The following FXYD4 variants were observed in gnomAD, a reference collection of about 807,000 sequenced individuals.
FXYD4 encodes FXYD domain-containing ion transport regulator 4.
FXYD4 carries 14 observed loss-of-function variants against 18.3 expected under a neutral mutation model. The observed-to-expected ratio is 0.77, with a 90% CI of 0.51 to 1.20. FXYD4 has a LOEUF of 1.20. FXYD4 is among the 50% of genes most tolerant of loss of function. The probability of loss-of-function intolerance (pLI) is 0.00; values close to 1 mark genes in which losing one functional copy is unlikely to be tolerated. For synonymous variants in FXYD4, 40 were observed against 40.5 expected (o/e 0.99, Z 0.04); for missense variants, 99 against 106.1 (o/e 0.93, Z 0.29).
At position 43,375,690 on chromosome 10, in the gene FXYD4, C is replaced by T. The variant is rs1323385843; in HGVS notation, c.173-5C>T. Reference sequence around the variant, plus strand: ...CCCTGGCGCTGACCCCTCTCTCTCTCCCAGGTGGCAAATGCAAATGCAAGA... The same window carrying T: ...CCCTGGCGCTGACCCCTCTCTCTCTTCCAGGTGGCAAATGCAAATGCAAGA... On this transcript the variant is annotated splice_polypyrimidine_tract_variant and splice_region_variant and intron_variant, in intron 6 of 8. Coordinates refer to ENST00000476166, the MANE Select transcript of FXYD4 (RefSeq NM_173160.3). 6.2e-7 allele frequency: 1 copy of T among 1,614,072 alleles called. No homozygotes were observed. Among genetic ancestry groups the T allele is most frequent in the South Asian group, 1.1e-5 (1 of 91,078 alleles).
Position 43,373,763 on chromosome 10 carries a change from T to A in FXYD4, c.17T>A (p.Leu6Gln). The A allele has an allele frequency of 6.2e-7, 1 of 1,609,392 alleles. No individual in the cohort carries two copies. The highest frequency in any genetic ancestry group is 1.1e-5 in the South Asian group (1 of 90,944). The change falls in exon 3 of 9, where the codon CTG becomes CAG. Residue 6 changes from leucine (L) to glutamine (Q), a missense_variant. Transcript: ENST00000476166. MERVT[L>Q]ALLLLAGLTA... is the part of the protein sequence containing the mutation. ...AACTGTGACATGGAGAGAGTGACCC[T>A]GGCCCTTCTCCTACTGGCAGGTGAG... is the stretch of plus-strand genomic sequence containing the variant.
chr10:43,375,757 C>G (rs746730632), intron 7 of FXYD4, 23 bp downstream of exon 7: 1 of 1,612,702 alleles, frequency 6.2e-7, no homozygotes, highest in South Asian at 1.1e-5. Flanking sequence ...CTATGGTGCC[C>G]TCCTCCTTCG....
At chr10:43,374,345 C>A in intron 3 of FXYD4, 125 bp from the exon 4 acceptor site, 1 of 873,366 alleles carries the variant, frequency 1.1e-6, no homozygotes, top group Non-Finnish European at 1.9e-6. Context: ...CTGGGGAGGG[C>A]GTGAGGAAGG....
At chr10:43,374,445 C>CA (rs1564388776) in intron 3 of FXYD4, 25 bp from the exon 4 acceptor site, 1 of 1,613,022 alleles carries the variant, frequency 6.2e-7, no homozygotes, top group Non-Finnish European at 8.5e-7. Flanking sequence ...AATTCCCACA[C>CA]ATTTTCTCTG....
chr10:43,375,450 T>A, intron 5 of FXYD4, 49 bp from the exon 6 acceptor site: 1 of 1,428,714 alleles, frequency 7.0e-7, no homozygotes, highest in Non-Finnish European at 9.9e-7. Context: ...TTTGAATGAA[T>A]GACTGAGGCC....
intron 2 of FXYD4, 141 bp from the exon 3 acceptor site, chr10:43,373,371 CAAT>C (rs1426881345): frequency 4.3e-6 from 1 of 229,982 alleles, no homozygotes; most frequent in African/African-American, 2.2e-5. Flanking sequence ...GAAATAGAGA[CAAT>C]AATAGTATCT....
chr10:43,374,698 G>A, intron 5 of FXYD4, 59 bp downstream of exon 5: 7 of 1,403,474 alleles, frequency 5.0e-6, no homozygotes, highest in Non-Finnish European at 7.1e-6. Context: ...CTCTTTGCTA[G>A]ACAAGTTGGT....
rs1588981092 is a variant in FXYD4, at chr10:43,374,224, C to T, written c.38-246C>T. ...TAAAAAAGACAAGCATTCCCTGTTTCTTCAGGGGGCAGAGACATAACAAAC... is the reference window on the plus strand; with the variant it reads ...TAAAAAAGACAAGCATTCCCTGTTTTTTCAGGGGGCAGAGACATAACAAAC... On this transcript the variant is annotated intron_variant, in intron 3 of 8. Transcript: ENST00000476166. Among the ~76,000 whole-genome samples the T allele has an allele frequency of 2.6e-5, 4 of 152,296 alleles. No homozygotes were observed. In the South Asian group the frequency reaches 8.3e-4, roughly 32 times the overall value.
Position 43,372,752 on chromosome 10 carries a change from A to T in FXYD4, c.-253A>T, listed in dbSNP as rs1358028631. ...GACACTGGTGAAGGAGCAGTGAGGA[A>T]CCTGCAGAGTCACACAGTTGGTAAG... On this transcript the variant is annotated 5_prime_UTR_variant, in exon 2 of 9. Transcript: ENST00000476166. The T allele has an allele frequency of 2.6e-5, 4 of 152,188 alleles. No individual in the cohort carries two copies. The highest frequency in any genetic ancestry group is 9.7e-5 in the African/African-American group (4 of 41,436). The allele number at this position is 152,188 out of a possible 1,614,324, so 9.4% of individuals were successfully genotyped here.
intron 3 of FXYD4, 105 bp downstream of exon 3, chr10:43,373,888 GC>G: frequency 1.2e-6 from 1 of 815,856 alleles, no homozygotes; most frequent in Non-Finnish European, 2.2e-6. Flanking sequence ...CAATCAGCAT[GC>G]TTTATTTAAA....
chr10:43,373,823 C>T, intron 3 of FXYD4, 40 bp downstream of exon 3: 4 of 1,417,638 alleles, frequency 2.8e-6, no homozygotes, highest in South Asian at 1.1e-5. Flanking sequence ...TTGCATTCAC[C>T]CCACCCACAA....
Position 43,374,662 on chromosome 10 carries a change from C to G in FXYD4, c.97+23C>G, listed in dbSNP as rs201209655. On this transcript the variant is annotated intron_variant, in intron 5 of 8. Transcript: ENST00000476166. ...ATGGTAAGAGCTGATATTCCCACCC[C>G]CACCCTACCCTTGCCTATCCTGGAC... The G allele has an allele frequency of 1.9e-6, 3 of 1,595,462 alleles. No homozygotes were observed. In the Admixed American group the frequency reaches 5.0e-5, roughly 27 times the overall value.
In FXYD4 at chr10:43,374,497, C is replaced by T. The variant is rs1421018587; in HGVS notation, c.65C>T (p.Pro22Leu). ...CTGACTGCCTTGGAAGCCAATGACCCATTTGGTGAGTGAGGCCCCCAAACA... is the reference window on the plus strand; with the variant it reads ...CTGACTGCCTTGGAAGCCAATGACCTATTTGGTGAGTGAGGCCCCCAAACA... ...AGLTALEAND[P>L]FANKDDPFYY... Residue 22 changes from proline to leucine, a missense_variant, in exon 4 of 9, where the codon CCA becomes CTA. Coordinates refer to ENST00000476166, the MANE Select transcript of FXYD4 (RefSeq NM_173160.3). 6.2e-7 allele frequency: 1 copy of T among 1,614,018 alleles called. No homozygotes were observed. The highest frequency in any genetic ancestry group is 8.5e-7 in the Non-Finnish European group (1 of 1,179,982).
chr10:43,375,899 G>C (rs866767462), intron 7 of FXYD4, 133 bp from the exon 8 acceptor site: 54 of 1,216,260 alleles, frequency 4.4e-5, no homozygotes, highest in Non-Finnish European at 4.6e-5. Flanking sequence ...CTCTGACCTC[G>C]GTATTGTGGG....
Position 43,376,272 on chromosome 10 carries a change from G to T in FXYD4, c.*106G>T. On this transcript the variant is annotated 3_prime_UTR_variant, in exon 9 of 9. Transcript: ENST00000476166. ...AGGAAGGACTTCTCTCCAAGGGCAG[G>T]CTGTTAGGCCCCTTTCTGATCAGGA... The T allele has an allele frequency of 8.1e-7, 1 of 1,227,638 alleles. No individual in the cohort carries two copies. The allele number at this position is 1,227,638 out of a possible 1,614,324, so 76.0% of individuals were successfully genotyped here.
At chr10:43,375,755 C>G (rs1467611334) in intron 7 of FXYD4, 21 bp downstream of exon 7, 1 of 1,612,914 alleles carries the variant, frequency 6.2e-7, no homozygotes, top group South Asian at 1.1e-5. Context: ...CCCTATGGTG[C>G]CCTCCTCCTT....
intron 3 of FXYD4, 83 bp from the exon 4 acceptor site, chr10:43,374,387 T>C: frequency 7.3e-7 from 1 of 1,372,732 alleles, no homozygotes; most frequent in Admixed American, 1.7e-5. Context: ...CCCCACAACC[T>C]CCGGGCTGGG....
chr10:43,376,062 C>T lies in FXYD4; in HGVS notation c.243C>T (p.Ile81=), dbSNP rs367902340. 1 of 1,614,012 alleles carries T rather than the reference C, an allele frequency of 6.2e-7. No homozygotes were observed. Among genetic ancestry groups the T allele is most frequent in the African/African-American group, 1.3e-5 (1 of 74,906 alleles). ...SPVPEKAIPL[I]TPGSATTC ...TACCTGAGAAGGCCATCCCACTCAT[C>T]ACTCCAGGTGAGACGGGCTTCTGTG... is the stretch of plus-strand genomic sequence containing the variant. The change falls in exon 8 of 9, where the codon ATC becomes ATT. Residue 81 remains isoleucine (I), a synonymous_variant. Transcript: ENST00000476166.
rs767128947 is a variant in FXYD4 at position 43,373,711 on chromosome 10, CCT to C, written c.-32_-31del. 4.9e-6 allele frequency: 7 copies of C among 1,424,178 alleles called. No homozygotes were observed. The Admixed American group carries it at 8.4e-5, about 17-fold the overall frequency. The allele number at this position is 1,424,178 out of a possible 1,614,324, so 88.2% of individuals were successfully genotyped here. ...TGGGCTGCAGACCCCCGCCCCAGTG[CCT>C]CTCCCCCTGCAGCCCTGCCCCTCGA... On this transcript the variant is annotated 5_prime_UTR_variant, in exon 3 of 9. The change abolishes the stop of an existing upstream ORF in the 5' untranslated region. Transcript: ENST00000476166.
Sources: gnomAD v4.1 joint callset for allele counts (sites outside exome capture counted in the v4.1 genomes callset) on GRCh38, gnomAD v4.1.1 for gene constraint, MANE v1.5 for transcripts, NCBI Gene and HGNC (gene_info 2026-07-23, HGNC 2026-07-21) for gene names.